COL9A2: variants seen among roughly 807,000 people sequenced by gnomAD.
COL9A2 encodes the protein collagen alpha-2(IX) chain.
Under a neutral mutation model 111.6 loss-of-function variants are expected in COL9A2, and 66 were observed. The observed-to-expected ratio is 0.59, with a 90% CI of 0.48 to 0.73. The LOEUF is 0.73. COL9A2 is among the 30% of genes least tolerant of loss of function. COL9A2 has a pLI of 0.00. For missense variants in COL9A2, 881 were observed against 954.1 expected (o/e 0.92, Z 1.01); for synonymous variants, 353 against 364.1 (o/e 0.97, Z 0.35).
In COL9A2 at chr1:40,310,969, C is replaced by T; in HGVS notation, c.630+124G>A. On this transcript the variant is annotated intron_variant, in intron 12 of 31. Coordinates refer to ENST00000372748, the MANE Select transcript of COL9A2 (RefSeq NM_001852.4). This position sits in a 1 kb window ranked among gnomAD's most constrained non-coding sequence, Gnocchi z 4.9. Reference sequence around the variant, plus strand: ...GCCGACCTGGAGCACAGGCCTCCAGCCCCCGGCTCAAGGCTCTGTCCCCAG... The same window carrying T: ...GCCGACCTGGAGCACAGGCCTCCAGTCCCCGGCTCAAGGCTCTGTCCCCAG... 1 of 1,349,128 alleles carries T rather than the reference C, an allele frequency of 7.4e-7. No homozygotes were observed. The highest frequency in any genetic ancestry group is 1.1e-6 in the Non-Finnish European group (1 of 945,592). 83.6% of individuals were successfully genotyped at this position (1,349,128 alleles called of 1,614,324 possible).
chr1:40,311,696 C>A lies in COL9A2; in HGVS notation c.437G>T (p.Gly146Val). The change falls in exon 9 of 32, where the codon GGA becomes GTA. Residue 146 changes from glycine (G) to valine (V), a missense_variant. Physicochemically the swap from Gly to Val is moderately radical, Grantham distance 109 (BLOSUM62 -3). Transcript: ENST00000372748. This position sits in a 1 kb window ranked among gnomAD's most constrained non-coding sequence, Gnocchi z 5.1. ...RGPKGDPGPD[G>V]PSGPPGPPGK... is the part of the protein sequence containing the mutation. ...AGGGGGTCCTGGGGGCCCCGATGGTCCATCTGGTCCAGGGTCCCCCTGGAA... is the reference window on the plus strand; with the variant it reads ...AGGGGGTCCTGGGGGCCCCGATGGTACATCTGGTCCAGGGTCCCCCTGGAA... 1 of 1,614,012 alleles carries A rather than the reference C, an allele frequency of 6.2e-7. No individual in the cohort carries two copies. Among genetic ancestry groups the A allele is most frequent in the Non-Finnish European group, 8.5e-7 (1 of 1,179,976 alleles).
intron 16 of COL9A2, among the ~76,000 whole-genome samples, chr1:40,308,953 A>G (rs1644072820): frequency 6.6e-6 from 1 of 152,186 alleles, no homozygotes; most frequent in Admixed American, 6.5e-5. Flanking sequence ...TTGCATTAAA[A>G]AACTAGATAT....
chr1:40,310,411 T>C lies in COL9A2; in HGVS notation c.685-94A>G. ...CACCTTCAATCTTACAGTGCCCTTT[T>C]GAGGTAGGCAGCAGAGTCTCTGTCT... On this transcript the variant is annotated intron_variant, in intron 13 of 31. Coordinates refer to ENST00000372748, the MANE Select transcript of COL9A2 (RefSeq NM_001852.4). This position sits in a 1 kb window ranked among gnomAD's most constrained non-coding sequence, Gnocchi z 4.9. 1.5e-6 allele frequency: 2 copies of C among 1,291,948 alleles called. No individual in the cohort carries two copies. The highest frequency in any genetic ancestry group is 2.2e-6 in the Non-Finnish European group (2 of 894,266). 80.0% of individuals were successfully genotyped at this position (1,291,948 alleles called of 1,614,324 possible).
At chr1:40,304,233 A>G (rs1450827871) in intron 24 of COL9A2, 87 bp downstream of exon 24, 2 of 1,526,736 alleles carry the variant, frequency 1.3e-6, no homozygotes, top group African/African-American at 2.8e-5. Flanking sequence ...GCAGGTTTGG[A>G]GGCTCCGGAA....
rs1644099354 is a variant in COL9A2, at chr1:40,310,182, T to C, written c.739-18A>G. The C allele has an allele frequency of 6.2e-7, 1 of 1,613,906 alleles. No homozygotes were observed. Among genetic ancestry groups the C allele is most frequent in the Non-Finnish European group, 8.5e-7 (1 of 1,179,934 alleles). ...TGAGGGCCCTGGGGAGAGGAAAGGGTTGCAGGTCAGTCCTGGCTGAACTCC... is the reference window on the plus strand; with the variant it reads ...TGAGGGCCCTGGGGAGAGGAAAGGGCTGCAGGTCAGTCCTGGCTGAACTCC... On this transcript the variant is annotated intron_variant, in intron 14 of 31. Transcript: ENST00000372748. This position sits in a 1 kb window ranked among gnomAD's most constrained non-coding sequence, Gnocchi z 4.9.
Position 40,302,880 on chromosome 1 carries a change from C to A in COL9A2, c.1604-71G>T. 3 of 1,446,680 alleles carry A rather than the reference C, an allele frequency of 2.1e-6. No individual in the cohort carries two copies. Among genetic ancestry groups the A allele is most frequent in the Non-Finnish European group, 2.8e-6 (3 of 1,062,354 alleles). 89.6% of individuals were successfully genotyped at this position (1,446,680 alleles called of 1,614,324 possible). ...GTGTCAGCAGTAACACTAGGGGAGG[C>A]AGAGCATTCCGATGGGCCCTGGCCC... On this transcript the variant is annotated intron_variant, in intron 29 of 31. Transcript: ENST00000372748. The surrounding 1 kb of genome is among the most constrained non-coding windows in gnomAD (Gnocchi z 4.5).
chr1:40,316,564 C>G lies in COL9A2; in HGVS notation c.75+559G>C. 1 of 453,574 alleles carries G rather than the reference C, an allele frequency of 2.2e-6. No homozygotes were observed. The highest frequency in any genetic ancestry group is 1.6e-5 in the South Asian group (1 of 64,430). 28.1% of individuals were successfully genotyped at this position (453,574 alleles called of 1,614,324 possible). A position where few individuals can be genotyped will look rare whatever the true frequency, so the allele number is the denominator to read the frequency against. ...GCAGGGGTCCCGGTGCCCACGACCT[C>G]CCCAGGCCGCGAAGTGCCAGGCTGG... On this transcript the variant is annotated intron_variant, in intron 1 of 31. Transcript: ENST00000372748. This position sits in a 1 kb window ranked among gnomAD's most constrained non-coding sequence, Gnocchi z 5.5.
rs368181488 is a variant in COL9A2, at chr1:40,317,168, G to A, written c.30C>T (p.Ser10=). The change falls in exon 1 of 32, where the codon AGC becomes AGT. Residue 10 remains serine, a synonymous_variant. Coordinates refer to ENST00000372748, the MANE Select transcript of COL9A2 (RefSeq NM_001852.4). The surrounding 1 kb of genome is among the most constrained non-coding windows in gnomAD (Gnocchi z 4.3). ...CTACCACCTGGAGGAGAACAAGGAG[G>A]CTGCGGGGGGAGGCCGTAGCGGCGG... MAAATASPR[S]LLVLLQVVVL... is the part of the protein sequence containing the mutation. 1 of 1,589,326 alleles carries A rather than the reference G, an allele frequency of 6.3e-7. No homozygotes were observed.
intron 16 of COL9A2, among the ~76,000 whole-genome samples, chr1:40,308,767 T>C (rs918628092): frequency 6.6e-6 from 1 of 152,174 alleles, no homozygotes; most frequent in Non-Finnish European, 1.5e-5. Context: ...GATGATAGGA[T>C]GTTAAGGATT....
chr1:40,304,226 G>A, intron 24 of COL9A2, 94 bp downstream of exon 24: 1 of 1,528,020 alleles, frequency 6.5e-7, no homozygotes, highest in Non-Finnish European at 8.8e-7. Context: ...GAGATCCGCA[G>A]GTTTGGAGGC....
rs374162527 is a variant in COL9A2 at position 40,309,433 on chromosome 1, G to GAAA, written c.846+504_846+505insTTT. Among the ~76,000 whole-genome samples, 108 of 143,826 alleles carry GAAA rather than the reference G, an allele frequency of 7.5e-4. 2 individuals are homozygous for GAAA. In the South Asian group the frequency reaches 0.014, roughly 18 times the overall value. The allele number at this position is 143,826 out of a possible 152,430, so 94.4% of individuals were successfully genotyped here. ...CTTCCCCCAACAGGTCTATTAATTG[G>GAAA]GAAAAAAAAAAAAAAAGAGTTAAGA... On this transcript the variant is annotated intron_variant, in intron 16 of 31. Coordinates refer to ENST00000372748, the MANE Select transcript of COL9A2 (RefSeq NM_001852.4).
In COL9A2 at chr1:40,312,685, C is replaced by A. The variant is rs371769785; in HGVS notation, c.303+46G>T. 3.2e-6 allele frequency: 5 copies of A among 1,585,290 alleles called. No homozygotes were observed. Among genetic ancestry groups the A allele is most frequent in the East Asian group, 4.6e-5 (2 of 43,608 alleles). On this transcript the variant is annotated intron_variant, in intron 5 of 31. Transcript: ENST00000372748. The surrounding 1 kb of genome is among the most constrained non-coding windows in gnomAD (Gnocchi z 6.0). The stretch of plus-strand genomic sequence containing the variant: ...CTTCCTCTCTACAGCCACTCCCAAA[C>A]GCTGGCCCTAGATTGCCCACGCTGA...
In COL9A2 at chr1:40,302,368, T is replaced by G. The variant is rs1426852130; in HGVS notation, c.1792+253A>C. On this transcript the variant is annotated intron_variant, in intron 30 of 31. Transcript: ENST00000372748. This position sits in a 1 kb window ranked among gnomAD's most constrained non-coding sequence, Gnocchi z 4.5. ...TGCTGGTCTGCCGCCCCATCTCTAT[T>G]GACATGGAAAGATGCTTATGGGGTA... 6.6e-6 allele frequency among the ~76,000 whole-genome samples: 1 copy of G among 152,162 alleles called. No individual in the cohort carries two copies. The highest frequency in any genetic ancestry group is 2.4e-5 in the African/African-American group (1 of 41,428).
Position 40,317,023 on chromosome 1 carries a change from T to A in COL9A2, c.75+100A>T, listed in dbSNP as rs1412328974. On this transcript the variant is annotated intron_variant, in intron 1 of 31. Transcript: ENST00000372748. This position sits in a 1 kb window ranked among gnomAD's most constrained non-coding sequence, Gnocchi z 4.3. ...GCTGTCCTCAGGTGGCCTCTCGGGCTAGGGGTGTCAGTAGGCGCGGGACAC... is the reference window on the plus strand; with the variant it reads ...GCTGTCCTCAGGTGGCCTCTCGGGCAAGGGGTGTCAGTAGGCGCGGGACAC... 1.6e-6 allele frequency: 2 copies of A among 1,240,628 alleles called. No individual in the cohort carries two copies. Among genetic ancestry groups the A allele is most frequent in the Non-Finnish European group, 2.3e-6 (2 of 864,566 alleles). The allele number at this position is 1,240,628 out of a possible 1,614,324, so 76.9% of individuals were successfully genotyped here.
At chr1:40,304,197 C>T in intron 24 of COL9A2, 98 bp from the exon 25 acceptor site, 2 of 1,516,248 alleles carry the variant, frequency 1.3e-6, no homozygotes, top group African/African-American at 1.4e-5. Context: ...CTCCGCCTCG[C>T]CGACCAGACC....
intron 16 of COL9A2, among the ~76,000 whole-genome samples, 199 bp downstream of exon 16, chr1:40,309,739 A>C (rs1326166493): frequency 2.6e-5 from 4 of 151,804 alleles, no homozygotes. Flanking sequence ...ACTCACAGAC[A>C]GCCTCACACA....
rs751242599 is a variant in COL9A2, at chr1:40,311,693, G to T, written c.440C>A (p.Pro147Gln). Residue 147 changes from proline to glutamine, a missense_variant, in exon 9 of 32, where the codon CCA becomes CAA. Pro to Gln is a moderately conservative substitution (Grantham distance 76). Transcript: ENST00000372748. The surrounding 1 kb of genome is among the most constrained non-coding windows in gnomAD (Gnocchi z 5.1). Reference protein sequence around the residue: ...GPKGDPGPDGPSGPPGPPGKP... With the variant: ...GPKGDPGPDGQSGPPGPPGKP... ...CCCAGGGGGTCCTGGGGGCCCCGAT[G>T]GTCCATCTGGTCCAGGGTCCCCCTG... The T allele has an allele frequency of 1.9e-6, 3 of 1,613,972 alleles. No individual in the cohort carries two copies. Among genetic ancestry groups the T allele is most frequent in the Non-Finnish European group, 2.5e-6 (3 of 1,179,958 alleles).
At position 40,308,232 on chromosome 1, in the gene COL9A2, A is replaced by G; in HGVS notation, c.860T>C (p.Ile287Thr). ...GCCTGTGATCCCCTGGGGTCCACGA[A>G]TACCTGGGCTGCCCTGCAAAGCGGA... ...GEKGDEGSPG[I>T]RGPQGITGPK... is the part of the protein sequence containing the mutation. Residue 287 changes from isoleucine (I) to threonine (T), a missense_variant, in exon 17 of 32, where the codon ATT (isoleucine) becomes ACT (threonine). Physicochemically the swap from Ile to Thr is moderately conservative, Grantham distance 89. Transcript: ENST00000372748. 6.2e-7 allele frequency: 1 copy of G among 1,614,134 alleles called. No individual in the cohort carries two copies. Among genetic ancestry groups the G allele is most frequent in the Non-Finnish European group, 8.5e-7 (1 of 1,179,976 alleles).
intron 31 of COL9A2, 132 bp downstream of exon 31, chr1:40,301,680 G>T: frequency 1.2e-6 from 1 of 868,522 alleles, no homozygotes; most frequent in Non-Finnish European, 1.8e-6. Flanking sequence ...TGCTCCAAAG[G>T]GGTGCAGAAG....
Sources: gnomAD v4.1 joint callset for allele counts (sites outside exome capture counted in the v4.1 genomes callset) on GRCh38, gnomAD v4.1.1 for gene constraint, Gnocchi (gnomAD v3.1) non-coding constraint, MANE v1.5 for transcripts, NCBI Gene and HGNC (gene_info 2026-07-23, HGNC 2026-07-21) for gene names.